The following PLPP1 variants were observed in gnomAD, a reference collection of about 807,000 sequenced individuals.
PLPP1 encodes the protein phospholipid phosphatase 1, also known as lipid phosphate phosphohydrolase 1a.
In PLPP1, 24 loss-of-function variants were observed where a neutral mutation model predicts 31.2. That is an observed-to-expected ratio of 0.77 (90% CI 0.56 to 1.08). PLPP1 has a LOEUF of 1.08. Ranked by LOEUF, PLPP1 falls within the 50% of genes least tolerant of loss-of-function variation. The probability of loss-of-function intolerance (pLI) is 0.00; values close to 1 mark genes in which losing one functional copy is unlikely to be tolerated. For synonymous variants in PLPP1, 146 were observed against 126.3 expected (o/e 1.16, Z -1.05); for missense variants, 319 against 342.7 (o/e 0.93, Z 0.55).
intron 1 of PLPP1, among the ~76,000 whole-genome samples, chr5:55,508,247 A>C (rs897464007): frequency 1.3e-5 from 2 of 152,188 alleles, no homozygotes; most frequent in African/African-American, 4.8e-5. Flanking sequence ...ATACAAATGA[A>C]ATATGAAGTT....
At chr5:55,521,398 T>G (rs1753664704) in intron 1 of PLPP1, among the ~76,000 whole-genome samples, 1 of 149,478 alleles carries the variant, frequency 6.7e-6, no homozygotes, top group African/African-American at 2.5e-5. Flanking sequence ...ACACCTGCAG[T>G]CCTTGCCACT....
intron 1 of PLPP1, among the ~76,000 whole-genome samples, chr5:55,511,540 G>C (rs550644920): frequency 6.7e-6 from 1 of 149,792 alleles, no homozygotes; most frequent in African/African-American, 2.5e-5. Flanking sequence ...GGAAAGATAA[G>C]CAACCAAAAT....
At chr5:55,442,801 C>T (rs1292309020) in intron 3 of PLPP1, among the ~76,000 whole-genome samples, 2 of 152,028 alleles carry the variant, frequency 1.3e-5, no homozygotes, top group African/African-American at 4.8e-5. Context: ...GCTTACAAAA[C>T]TTAATTTTGT....
chr5:55,506,710 T>C (rs1753287740), intron 1 of PLPP1, among the ~76,000 whole-genome samples: 1 of 152,206 alleles, frequency 6.6e-6, no homozygotes, highest in Non-Finnish European at 1.5e-5. Context: ...TTCCGGCATA[T>C]GTAAATTTAA....
chr5:55,515,427 G>A (rs944169313), intron 1 of PLPP1, among the ~76,000 whole-genome samples: 1 of 152,136 alleles, frequency 6.6e-6, no homozygotes, highest in African/African-American at 2.4e-5. Context: ...GGTTCATGTT[G>A]CACATGTATT....
chr5:55,530,804 G>T, intron 1 of PLPP1: 1 of 1,432,690 alleles, frequency 7.0e-7, no homozygotes, highest in Non-Finnish European at 9.8e-7. Context: ...GGCGCGGTCC[G>T]CACGGGCGTT....
At chr5:55,457,745 T>C (rs770461526) in intron 3 of PLPP1, among the ~76,000 whole-genome samples, 5 of 152,140 alleles carry the variant, frequency 3.3e-5, no homozygotes, top group African/African-American at 7.2e-5. Context: ...ACAAATTAGC[T>C]GGACGTGGTG....
At chr5:55,520,619 C>G (rs1238355954) in intron 1 of PLPP1, among the ~76,000 whole-genome samples, 1 of 152,148 alleles carries the variant, frequency 6.6e-6, no homozygotes, top group Non-Finnish European at 1.5e-5. Context: ...GTTGAGGTGA[C>G]CTGCCCAATG....
intron 3 of PLPP1, among the ~76,000 whole-genome samples, chr5:55,453,387 C>A (rs1241206993): frequency 2.0e-5 from 3 of 152,066 alleles, no homozygotes; most frequent in Admixed American, 1.3e-4. Context: ...TCATCAAAAC[C>A]GAGGAGCATT....
rs1340909152 is a variant in PLPP1, at chr5:55,424,866, A to G, written c.*340T>C. 4 of 819,696 alleles carry G rather than the reference A, an allele frequency of 4.9e-6. No homozygotes were observed. The highest frequency in any genetic ancestry group is 8.2e-6 in the Non-Finnish European group (4 of 489,720). 50.8% of individuals were successfully genotyped at this position (819,696 alleles called of 1,614,324 possible). On this transcript the variant is annotated 3_prime_UTR_variant, in exon 6 of 6. Coordinates refer to ENST00000307259, the MANE Select transcript of PLPP1 (RefSeq NM_003711.4). Reference sequence around the variant, plus strand: ...CTGCAAGTGTGGATTTGGTTCTCCCATACATTTTAATATGTATTATATTTA... The same window carrying G: ...CTGCAAGTGTGGATTTGGTTCTCCCGTACATTTTAATATGTATTATATTTA...
At position 55,441,866 on chromosome 5, in the gene PLPP1, G is replaced by A; in HGVS notation, c.534C>T (p.Cys178=). The change falls in exon 4 of 6, where the codon TGC becomes TGT. Residue 178 remains cysteine, a synonymous_variant. Coordinates refer to ENST00000307259, the MANE Select transcript of PLPP1 (RefSeq NM_003711.4). The stretch of plus-strand genomic sequence containing the variant: ...AAGTACTTACTGCCACAAACAGCAT[G>A]CAGTACATGGAAAACGAAGAGTGGC... ...YSGHSSFSMY[C]MLFVALYLQA... 1 of 1,613,740 alleles carries A rather than the reference G, an allele frequency of 6.2e-7. No homozygotes were observed. Among genetic ancestry groups the A allele is most frequent in the Non-Finnish European group, 8.5e-7 (1 of 1,179,618 alleles).
At chr5:55,505,737 G>A (rs1753259976) in intron 1 of PLPP1, among the ~76,000 whole-genome samples, 1 of 152,162 alleles carries the variant, frequency 6.6e-6, no homozygotes, top group African/African-American at 2.4e-5. Context: ...CATGAAAATT[G>A]TAAACCCTTA....
At chr5:55,466,478 G>A (rs1408823212) in intron 3 of PLPP1, among the ~76,000 whole-genome samples, 5 of 152,090 alleles carry the variant, frequency 3.3e-5, no homozygotes, top group African/African-American at 7.2e-5. Flanking sequence ...TGAGGCAGGC[G>A]GATCACCTGA....
chr5:55,448,727 C>T (rs542033177), intron 3 of PLPP1, among the ~76,000 whole-genome samples: 6 of 152,272 alleles, frequency 3.9e-5, no homozygotes, highest in African/African-American at 1.4e-4. Flanking sequence ...GGATTACAGG[C>T]ATGAGCCTCC....
At chr5:55,430,818 A>G (rs948666872) in intron 4 of PLPP1, among the ~76,000 whole-genome samples, 1 of 152,196 alleles carries the variant, frequency 6.6e-6, no homozygotes, top group African/African-American at 2.4e-5. Context: ...GAGATACAAG[A>G]AAACAGCAAT....
intron 1 of PLPP1, among the ~76,000 whole-genome samples, chr5:55,529,512 A>G (rs1191329952): frequency 1.3e-5 from 2 of 152,186 alleles, no homozygotes; most frequent in South Asian, 4.1e-4. Context: ...ATGCCCATGA[A>G]AGAAATAAAT....
chr5:55,438,980 C>T (rs1751559856), intron 4 of PLPP1, among the ~76,000 whole-genome samples: 1 of 152,008 alleles, frequency 6.6e-6, no homozygotes, highest in Non-Finnish European at 1.5e-5. Flanking sequence ...CTGGGGCCTA[C>T]ATCCACATCA....
At chr5:55,443,192 A>AAATAT in intron 3 of PLPP1, among the ~76,000 whole-genome samples, 2 of 25,418 alleles carry the variant, frequency 7.9e-5, no homozygotes, top group African/African-American at 1.1e-4. Context: ...AAAAAAAAAA[A>AAATAT]ATATATATAT....
chr5:55,496,813 C>A (rs1753012366), intron 1 of PLPP1, among the ~76,000 whole-genome samples: 1 of 152,184 alleles, frequency 6.6e-6, no homozygotes, highest in South Asian at 2.1e-4. Context: ...CTCCTCAATT[C>A]AGTGATAATT....
Sources: gnomAD v4.1 joint callset for allele counts (sites outside exome capture counted in the v4.1 genomes callset) on GRCh38, gnomAD v4.1.1 for gene constraint, MANE v1.5 for transcripts, NCBI Gene and HGNC (gene_info 2026-07-23, HGNC 2026-07-21) for gene names.